The following LGR4 variants were observed in gnomAD, a reference collection of about 807,000 sequenced individuals.
The protein encoded by LGR4 is leucine rich repeat containing G protein-coupled receptor 4, also known as leucine-rich repeat-containing G protein-coupled receptor 4.
LGR4 carries 44 observed loss-of-function variants against 84.8 expected under a neutral mutation model. That is an observed-to-expected ratio of 0.52 (90% CI 0.41 to 0.67). The LOEUF (loss-of-function observed/expected upper bound fraction) is 0.67, where lower values mean the gene tolerates loss of function less well. LGR4 is among the 30% of genes least tolerant of loss of function. The probability of loss-of-function intolerance (pLI) is 0.00; values close to 1 mark genes in which losing one functional copy is unlikely to be tolerated. For missense variants in LGR4, 1,032 were observed against 1,131.4 expected (o/e 0.91, Z 1.26); for synonymous variants, 429 against 434.3 (o/e 0.99, Z 0.15).
At chr11:27,462,798 G>A (rs1864705188) in intron 1 of LGR4, among the ~76,000 whole-genome samples, 2 of 151,826 alleles carry the variant, frequency 1.3e-5, no homozygotes, top group Non-Finnish European at 2.9e-5. Context: ...GTCCAAAGTG[G>A]TTAAGTGACC....
intron 1 of LGR4, among the ~76,000 whole-genome samples, chr11:27,444,474 C>A (rs1292809699): frequency 6.6e-6 from 1 of 152,138 alleles, no homozygotes; most frequent in Non-Finnish European, 1.5e-5. Context: ...AACTAGTCAA[C>A]CGAGACAAAG....
intron 3 of LGR4, among the ~76,000 whole-genome samples, chr11:27,392,244 AT>A (rs1393863922): frequency 6.6e-6 from 1 of 151,816 alleles, no homozygotes; most frequent in East Asian, 1.9e-4. Context: ...CAGAATACGT[AT>A]TATTTAGAGT....
chr11:27,377,503 A>G (rs1407946097), intron 11 of LGR4, among the ~76,000 whole-genome samples: 1 of 151,642 alleles, frequency 6.6e-6, no homozygotes, highest in Non-Finnish European at 1.5e-5. Context: ...AGTACATAAC[A>G]TAAATATATA....
At chr11:27,447,088 G>A (rs537485271) in intron 1 of LGR4, among the ~76,000 whole-genome samples, 19 of 152,014 alleles carry the variant, frequency 1.2e-4, no homozygotes, top group African/African-American at 3.6e-4. Context: ...TAATGTAAAC[G>A]ACAAGTTAAC....
At chr11:27,435,775 A>C (rs934337054) in intron 1 of LGR4, among the ~76,000 whole-genome samples, 10 of 151,918 alleles carry the variant, frequency 6.6e-5, no homozygotes, top group African/African-American at 2.4e-4. Flanking sequence ...GGTATAAGCA[A>C]CTGTGCCCAG....
chr11:27,454,576 A>G (rs1864539513), intron 1 of LGR4, among the ~76,000 whole-genome samples: 1 of 152,148 alleles, frequency 6.6e-6, no homozygotes, highest in African/African-American at 2.4e-5. Flanking sequence ...TCTGGCCAAG[A>G]TGGTGAAACC....
At chr11:27,383,049 T>C (rs1337318899) in intron 6 of LGR4, among the ~76,000 whole-genome samples, 2 of 151,984 alleles carry the variant, frequency 1.3e-5, no homozygotes, top group Admixed American at 1.3e-4. Flanking sequence ...TAAAAAATAA[T>C]CAGAAGGACC....
In LGR4 at chr11:27,381,502, T is replaced by C. The variant is rs371598611; in HGVS notation, c.759-536A>G. ...TTTGAGACCAGCATGGGCAACATGATGAAACCCTATCTCTAGAAAAAATTT... is the reference window on the plus strand; with the variant it reads ...TTTGAGACCAGCATGGGCAACATGACGAAACCCTATCTCTAGAAAAAATTT... On this transcript the variant is annotated intron_variant, in intron 7 of 17. Transcript: ENST00000379214. Among the ~76,000 whole-genome samples the C allele has an allele frequency of 1.1e-3, 170 of 152,226 alleles. 3 individuals are homozygous for C. Among genetic ancestry groups the C allele is most frequent in the African/African-American group, 3.7e-3 (154 of 41,542 alleles).
chr11:27,385,198 G>A, intron 5 of LGR4, 55 bp downstream of exon 5: 1 of 1,260,770 alleles, frequency 7.9e-7, no homozygotes, highest in Non-Finnish European at 1.1e-6. Context: ...GAAGAAATCT[G>A]TTTTTGTACC....
At chr11:27,418,591 G>A (rs146582952) in intron 1 of LGR4, among the ~76,000 whole-genome samples, 112 of 152,194 alleles carry the variant, frequency 7.4e-4, no homozygotes, top group African/African-American at 1.3e-3. Context: ...GAGGACAGAT[G>A]CCACAACACC....
At chr11:27,455,088 T>G (rs1420589761) in intron 1 of LGR4, among the ~76,000 whole-genome samples, 1 of 152,198 alleles carries the variant, frequency 6.6e-6, no homozygotes, top group Non-Finnish European at 1.5e-5. Flanking sequence ...CATGCTGGAG[T>G]GCAGTGGCAC....
At chr11:27,463,471 C>A (rs1362326430) in intron 1 of LGR4, among the ~76,000 whole-genome samples, 3 of 152,030 alleles carry the variant, frequency 2.0e-5, no homozygotes, top group Non-Finnish European at 4.4e-5. Context: ...AGTTAATAAA[C>A]CCATAATGTG....
At chr11:27,416,171 A>C (rs545345638) in intron 1 of LGR4, among the ~76,000 whole-genome samples, 2 of 152,256 alleles carry the variant, frequency 1.3e-5, no homozygotes, top group African/African-American at 4.8e-5. Flanking sequence ...GTAAATATAT[A>C]TCATATGAGG....
intron 1 of LGR4, among the ~76,000 whole-genome samples, chr11:27,446,684 G>C (rs993782469): frequency 6.6e-6 from 1 of 152,038 alleles, no homozygotes; most frequent in Non-Finnish European, 1.5e-5. Flanking sequence ...CCCATTACTG[G>C]GTATATACCC....
intron 1 of LGR4, among the ~76,000 whole-genome samples, chr11:27,416,243 A>T (rs958898831): frequency 3.3e-5 from 5 of 152,176 alleles, no homozygotes; most frequent in Non-Finnish European, 4.4e-5. Flanking sequence ...TGATGGCCTT[A>T]CTGGGAGTAC....
chr11:27,471,336 T>C (rs746121515), intron 1 of LGR4, among the ~76,000 whole-genome samples: 2 of 152,242 alleles, frequency 1.3e-5, no homozygotes, highest in Non-Finnish European at 2.9e-5. Flanking sequence ...CCTTGCAGCC[T>C]GGGCTGAGCA....
chr11:27,401,698 G>A (rs1288120390), intron 2 of LGR4, among the ~76,000 whole-genome samples: 3 of 152,108 alleles, frequency 2.0e-5, no homozygotes, highest in African/African-American at 7.2e-5. Flanking sequence ...TTTTTATATA[G>A]ACTGATAAGG....
intron 1 of LGR4, among the ~76,000 whole-genome samples, chr11:27,413,267 A>G (rs1037062542): frequency 1.3e-5 from 2 of 152,120 alleles, no homozygotes; most frequent in East Asian, 1.9e-4. Context: ...GAGTCACTCA[A>G]GGACAATAAA....
chr11:27,397,311 G>A (rs1057082800), intron 2 of LGR4, among the ~76,000 whole-genome samples: 2 of 152,144 alleles, frequency 1.3e-5, no homozygotes, highest in Non-Finnish European at 2.9e-5. Context: ...GGGTACCTTA[G>A]ACAAAGCTAT....
Sources: allele counts gnomAD v4.1 joint callset (sites outside exome capture counted in the v4.1 genomes callset), GRCh38; gene constraint gnomAD v4.1.1; transcripts MANE v1.5; gene names NCBI Gene and HGNC (gene_info 2026-07-23, HGNC 2026-07-21).